The following PRDM5 variants were observed in gnomAD, a reference collection of about 807,000 sequenced individuals.
The protein encoded by PRDM5 is PR/SET domain 5, also known as PR domain zinc finger protein 5.
A neutral mutation model predicts 81.2 loss-of-function variants in PRDM5; 56 were observed. The ratio of observed to expected loss-of-function variants is 0.69; its 90% CI spans 0.56 to 0.86. PRDM5 has a LOEUF of 0.86. Ranked by LOEUF, PRDM5 falls within the 40% of genes least tolerant of loss-of-function variation. The probability of loss-of-function intolerance (pLI) is 0.00; values close to 1 mark genes in which losing one functional copy is unlikely to be tolerated. For synonymous variants in PRDM5, 267 were observed against 256.4 expected, an observed-to-expected ratio of 1.04 and a Z score of -0.39; for missense variants, 697 against 770.1, an observed-to-expected ratio of 0.91 and a Z score of 1.12.
intron 10 of PRDM5, among the ~76,000 whole-genome samples, chr4:120,792,280 T>C (rs932705801): frequency 6.6e-6 from 1 of 152,188 alleles, no homozygotes; most frequent in African/African-American, 2.4e-5. Flanking sequence ...TTTTACTATA[T>C]TGAAGAAAGT....
chr4:120,853,354 C>G (rs1759502732), intron 3 of PRDM5, 64 bp downstream of exon 3: 1 of 1,605,324 alleles, frequency 6.2e-7, no homozygotes, highest in Non-Finnish European at 8.5e-7. Context: ...ACAGGGAGTA[C>G]AGTCATATAT....
intron 2 of PRDM5, among the ~76,000 whole-genome samples, chr4:120,905,321 G>A (rs1765675115): frequency 6.6e-6 from 1 of 152,144 alleles, no homozygotes; most frequent in African/African-American, 2.4e-5. Flanking sequence ...TACACTGATA[G>A]TTTTATGTAT....
At chr4:120,698,635 C>T (rs889711134) in intron 15 of PRDM5, among the ~76,000 whole-genome samples, 4 of 152,164 alleles carry the variant, frequency 2.6e-5, no homozygotes, top group African/African-American at 9.6e-5. Context: ...TTCACTGGTA[C>T]TCCAAACTTA....
At chr4:120,775,524 T>A (rs1348711670) in intron 13 of PRDM5, among the ~76,000 whole-genome samples, 1 of 152,186 alleles carries the variant, frequency 6.6e-6, no homozygotes, top group Admixed American at 6.5e-5. Context: ...TATGTCTTAA[T>A]GCATTCTGAA....
In PRDM5 at chr4:120,695,105, C is replaced by A; in HGVS notation, c.*6G>T. On this transcript the variant is annotated 3_prime_UTR_variant, in exon 16 of 16. Coordinates refer to ENST00000264808, the MANE Select transcript of PRDM5 (RefSeq NM_018699.4). ...TCTGAATAGTTTAATTCCTTTACAG[C>A]CCCTATTAGCTGTCAGCTACACCAT... 1 of 1,611,024 alleles carries A rather than the reference C, an allele frequency of 6.2e-7. No homozygotes were observed. The highest frequency in any genetic ancestry group is 8.5e-7 in the Non-Finnish European group (1 of 1,177,418).
intron 2 of PRDM5, among the ~76,000 whole-genome samples, chr4:120,888,714 C>T (rs1022109194): frequency 2.6e-5 from 4 of 152,130 alleles, no homozygotes; most frequent in Admixed American, 2.6e-4. Flanking sequence ...AATTAAAAAA[C>T]CCAGAAGCAG....
chr4:120,738,305 C>G (rs185272596), intron 14 of PRDM5, among the ~76,000 whole-genome samples: 2 of 152,314 alleles, frequency 1.3e-5, no homozygotes, highest in Non-Finnish European at 2.9e-5. Flanking sequence ...CTACCGTTGT[C>G]ATTCAATGTT....
chr4:120,708,635 G>A (rs1161881657), intron 15 of PRDM5, among the ~76,000 whole-genome samples: 1 of 152,080 alleles, frequency 6.6e-6, no homozygotes, highest in East Asian at 1.9e-4. Flanking sequence ...TTTATATCAT[G>A]TGAATTTCAC....
intron 14 of PRDM5, 69 bp downstream of exon 14, chr4:120,754,484 T>G: frequency 9.2e-7 from 1 of 1,087,138 alleles, no homozygotes; most frequent in Admixed American, 1.9e-5. Context: ...AATATAAAGT[T>G]AAATATATTT....
At chr4:120,874,673 A>G (rs1018026460) in intron 2 of PRDM5, among the ~76,000 whole-genome samples, 1 of 152,250 alleles carries the variant, frequency 6.6e-6, no homozygotes. Context: ...GACAAGATTG[A>G]TTACTATTAG....
intron 7 of PRDM5, among the ~76,000 whole-genome samples, chr4:120,814,826 T>C (rs1877215): frequency 0.29 from 43,753 of 152,140 alleles, 6,499 homozygotes; most frequent in East Asian, 0.38. Flanking sequence ...GCAAAACATA[T>C]GGCATAGTAA....
chr4:120,738,805 T>C (rs2149102234), intron 14 of PRDM5, among the ~76,000 whole-genome samples: 1 of 152,358 alleles, frequency 6.6e-6, no homozygotes, highest in Non-Finnish European at 1.5e-5. Context: ...CATTATGTAA[T>C]ATTTAGTACT....
chr4:120,906,118 C>T (rs915552346), intron 2 of PRDM5, among the ~76,000 whole-genome samples: 8 of 152,020 alleles, frequency 5.3e-5, no homozygotes, highest in South Asian at 2.1e-4. Context: ...ACTACAGGCA[C>T]GTACCACAAG....
At chr4:120,771,426 T>C (rs1408098177) in intron 13 of PRDM5, among the ~76,000 whole-genome samples, 1 of 152,120 alleles carries the variant, frequency 6.6e-6, no homozygotes, top group African/African-American at 2.4e-5. Flanking sequence ...CCACCAAAAA[T>C]ATTTTTTCAA....
At chr4:120,812,725 C>A (rs528404663) in intron 7 of PRDM5, 9 of 366,412 alleles carry the variant, frequency 2.5e-5, no homozygotes, top group African/African-American at 1.6e-4. Flanking sequence ...TGTGTAAATG[C>A]TTTCTTTTTA....
intron 2 of PRDM5, among the ~76,000 whole-genome samples, chr4:120,897,739 C>T (rs1194434051): frequency 6.6e-6 from 1 of 152,126 alleles, no homozygotes; most frequent in Non-Finnish European, 1.5e-5. Flanking sequence ...AATTTGCACA[C>T]TGAGTTCTCT....
intron 14 of PRDM5, among the ~76,000 whole-genome samples, chr4:120,720,676 G>T (rs537804696): frequency 5.8e-4 from 88 of 152,278 alleles, no homozygotes; most frequent in Non-Finnish European, 1.1e-3. Flanking sequence ...TTTTACAGAT[G>T]TTTATAGCTT....
At chr4:120,728,545 A>C (rs961423342) in intron 14 of PRDM5, among the ~76,000 whole-genome samples, 3 of 152,144 alleles carry the variant, frequency 2.0e-5, no homozygotes, top group Non-Finnish European at 4.4e-5. Context: ...AAGACTCGTC[A>C]ATTTTTTCTT....
intron 3 of PRDM5, among the ~76,000 whole-genome samples, chr4:120,847,041 T>A (rs1758733785): frequency 6.6e-6 from 1 of 152,082 alleles, no homozygotes; most frequent in Admixed American, 6.6e-5. Context: ...TCTGCATTCC[T>A]TCTGAGTCTG....
Sources: allele counts gnomAD v4.1 joint callset (sites outside exome capture counted in the v4.1 genomes callset), GRCh38; gene constraint gnomAD v4.1.1; transcripts MANE v1.5; gene names NCBI Gene and HGNC (gene_info 2026-07-23, HGNC 2026-07-21).